RIMBP2: variants seen among roughly 807,000 people sequenced by gnomAD.
RIMBP2 encodes the protein RIMS binding protein 2.
Under a neutral mutation model 118.6 loss-of-function variants are expected in RIMBP2, and 48 were observed. The ratio of observed to expected loss-of-function variants is 0.40; its 90% confidence interval spans 0.32 to 0.51. RIMBP2 has a LOEUF of 0.51. RIMBP2 is among the 20% of genes least tolerant of loss of function. RIMBP2 has a pLI of 0.41. For synonymous variants in RIMBP2, 762 were observed against 742.9 expected, an observed-to-expected ratio of 1.03 and a Z score of -0.42; for missense variants, 1,551 against 1,768.3, an observed-to-expected ratio of 0.88 and a Z score of 2.20.
Position 130,445,245 on chromosome 12 carries a change from G to A in RIMBP2, c.606C>T (p.Asn202=), listed in dbSNP as rs781178087. ...GGGGCAGCTCAGCTTCGGGGTTCTC[G>A]TTCGGTCCATCGAAGGGGTTGTAAC... ...RYSYNPFDGP[N]ENPEAELPLT... is the part of the protein sequence containing the mutation. The change falls in exon 10 of 23, where the codon AAC becomes AAT. Residue 202 remains asparagine (N), a synonymous_variant. Coordinates refer to ENST00000690449, the MANE Select transcript of RIMBP2 (RefSeq NM_001393629.1). 26 of 1,612,876 alleles carry A rather than the reference G, an allele frequency of 1.6e-5. No homozygotes were observed. The highest frequency in any genetic ancestry group is 8.4e-5 in the Admixed American group (5 of 59,686).
chr12:130,600,625 G>A (rs1240178878), intron 2 of RIMBP2, among the ~76,000 whole-genome samples: 2 of 152,122 alleles, frequency 1.3e-5, no homozygotes, highest in East Asian at 3.9e-4. Context: ...CCTCTGGCTG[G>A]AAGGATGTCA....
At chr12:130,473,227 T>C (rs1003739864) in intron 5 of RIMBP2, among the ~76,000 whole-genome samples, 5 of 152,198 alleles carry the variant, frequency 3.3e-5, no homozygotes, top group Non-Finnish European at 7.3e-5. Context: ...AGCGCTGAAT[T>C]CTTACAAAAT....
chr12:130,440,037 G>T (rs2077988424), intron 11 of RIMBP2, among the ~76,000 whole-genome samples: 1 of 151,830 alleles, frequency 6.6e-6, no homozygotes, highest in Non-Finnish European at 1.5e-5. Context: ...TTACTCTGAA[G>T]AACACCAACC....
intron 7 of RIMBP2, among the ~76,000 whole-genome samples, chr12:130,456,157 C>T: frequency 6.6e-6 from 1 of 152,244 alleles, no homozygotes; most frequent in East Asian, 1.9e-4. Flanking sequence ...CCAGTGCAGA[C>T]TCTGCAGCCA....
chr12:130,657,603 G>A (rs1360475810), intron 1 of RIMBP2, among the ~76,000 whole-genome samples: 2 of 152,322 alleles, frequency 1.3e-5, no homozygotes, highest in East Asian at 3.9e-4. Flanking sequence ...GCACAGGGGA[G>A]AAGTGACCCG....
At chr12:130,626,150 T>G (rs1442655145) in intron 2 of RIMBP2, among the ~76,000 whole-genome samples, 2 of 152,200 alleles carry the variant, frequency 1.3e-5, no homozygotes, top group Non-Finnish European at 2.9e-5. Context: ...GAGAAACAAA[T>G]GATTACCAAG....
At chr12:130,643,984 G>A (rs1466460082) in intron 1 of RIMBP2, among the ~76,000 whole-genome samples, 1 of 152,194 alleles carries the variant, frequency 6.6e-6, no homozygotes, top group Non-Finnish European at 1.5e-5. Context: ...TGCTGAGACA[G>A]AGACAGAGAG....
At chr12:130,510,238 C>T (rs895725911) in intron 3 of RIMBP2, among the ~76,000 whole-genome samples, 1 of 152,196 alleles carries the variant, frequency 6.6e-6, no homozygotes, top group African/African-American at 2.4e-5. Flanking sequence ...ATTTGTCCCA[C>T]AGTAGAGCTA....
intron 13 of RIMBP2, among the ~76,000 whole-genome samples, 154 bp downstream of exon 13, chr12:130,436,688 G>A (rs1462976033): frequency 6.6e-6 from 1 of 152,252 alleles, no homozygotes; most frequent in African/African-American, 2.4e-5. Flanking sequence ...TCAGGCACAT[G>A]ACAGAGTCCA....
chr12:130,697,737 G>GC (rs2065643392), intron 1 of RIMBP2, among the ~76,000 whole-genome samples: 1 of 152,114 alleles, frequency 6.6e-6, no homozygotes, highest in Non-Finnish European at 1.5e-5. Context: ...CTGGAGGATC[G>GC]CCTGAGTCCA....
In RIMBP2 at chr12:130,450,539, A is replaced by G. The variant is rs77938725; in HGVS notation, c.505-263T>C. On this transcript the variant is annotated intron_variant, in intron 8 of 22. Coordinates refer to ENST00000690449, the MANE Select transcript of RIMBP2 (RefSeq NM_001393629.1). The surrounding 1 kb of genome is among the most constrained non-coding windows in gnomAD (Gnocchi z 4.8). The stretch of plus-strand genomic sequence containing the variant: ...GTCCCCAAACAGGAAGGTAAGGCTC[A>G]AAGACTCCGCCCAGTGTCTCCTACA... Among the ~76,000 whole-genome samples, 2,942 of 152,028 alleles carry G rather than the reference A, an allele frequency of 0.019. 88 individuals carry two copies. Among genetic ancestry groups the G allele is most frequent in the African/African-American group, 0.066 (2,747 of 41,454 alleles).
intron 2 of RIMBP2, among the ~76,000 whole-genome samples, chr12:130,577,542 C>A (rs2058170202): frequency 6.6e-6 from 1 of 152,124 alleles, no homozygotes; most frequent in South Asian, 2.1e-4. Flanking sequence ...ACCACCAGAG[C>A]TCATGAGAAC....
At chr12:130,453,656 A>G (rs1277091449) in intron 7 of RIMBP2, among the ~76,000 whole-genome samples, 1 of 152,236 alleles carries the variant, frequency 6.6e-6, no homozygotes, top group Non-Finnish European at 1.5e-5. Context: ...GAAGCAGAGA[A>G]CAGAACAGTG....
chr12:130,626,980 A>G (rs2061680893), intron 2 of RIMBP2, among the ~76,000 whole-genome samples: 1 of 151,090 alleles, frequency 6.6e-6, no homozygotes, highest in East Asian at 2.0e-4. Flanking sequence ...CATCACCATC[A>G]TCTTCTCCAT....
chr12:130,630,080 TG>T (rs1169293507), intron 1 of RIMBP2, among the ~76,000 whole-genome samples: 23 of 151,800 alleles, frequency 1.5e-4, no homozygotes, highest in African/African-American at 4.8e-4. Flanking sequence ...AAAGAACTCT[TG>T]TGAATGAAAA....
intron 9 of RIMBP2, among the ~76,000 whole-genome samples, chr12:130,449,016 T>C (rs2078772682): frequency 6.6e-6 from 1 of 152,176 alleles, no homozygotes; most frequent in South Asian, 2.1e-4. Context: ...AAGGATCTAG[T>C]GAGGGTGGCA....
intron 2 of RIMBP2, among the ~76,000 whole-genome samples, chr12:130,582,097 A>T (rs1455849581): frequency 6.6e-6 from 1 of 151,620 alleles, no homozygotes. Context: ...TAAACATCCA[A>T]CTAAAATTAC....
intron 3 of RIMBP2, among the ~76,000 whole-genome samples, chr12:130,516,087 A>G (rs2051424023): frequency 1.3e-5 from 2 of 152,194 alleles, no homozygotes; most frequent in Admixed American, 1.3e-4. Flanking sequence ...ACTGTTTTCT[A>G]TAGTGGTTGC....
chr12:130,449,470 C>T (rs1266703360), intron 9 of RIMBP2, among the ~76,000 whole-genome samples: 2 of 152,184 alleles, frequency 1.3e-5, no homozygotes, highest in East Asian at 1.9e-4. Context: ...CGGCTGTCAT[C>T]GCAGCGAGAT....
Sources: gnomAD v4.1 joint callset for allele counts (sites outside exome capture counted in the v4.1 genomes callset) on GRCh38, gnomAD v4.1.1 for gene constraint, Gnocchi (gnomAD v3.1) non-coding constraint, MANE v1.5 for transcripts, NCBI Gene and HGNC (gene_info 2026-07-23, HGNC 2026-07-21) for gene names.